Variants in GHRHR observed in about 807,000 individuals in gnomAD.
GHRHR encodes the protein growth hormone releasing hormone receptor.
In GHRHR, 40 loss-of-function variants were observed where a neutral mutation model predicts 58.3. That is an observed-to-expected ratio of 0.69 (90% CI 0.53 to 0.89). GHRHR has a LOEUF of 0.89. Ranked by LOEUF, GHRHR falls within the 40% of genes least tolerant of loss-of-function variation. GHRHR has a pLI of 0.00. For synonymous variants in GHRHR, 249 were observed against 216.6 expected, an observed-to-expected ratio of 1.15 and a Z score of -1.31; for missense variants, 551 against 541.3, an observed-to-expected ratio of 1.02 and a Z score of -0.18.
rs2128599228 is a variant in GHRHR at position 30,979,252 on chromosome 7, C to T, written c.*8C>T. The T allele has an allele frequency of 6.2e-7, 1 of 1,613,394 alleles. No individual in the cohort carries two copies. The highest frequency in any genetic ancestry group is 1.1e-5 in the South Asian group (1 of 91,038). ...CTGACATCTATGTGCTAGGCTGCCT[C>T]ATCACGCCACTGGAGTCCACACTTG... On this transcript the variant is annotated 3_prime_UTR_variant, in exon 13 of 13. Transcript: ENST00000326139.
rs35582117 is a variant in GHRHR at position 30,971,914 on chromosome 7, C to T, written c.465-49C>T. ...CAGCCCAGTTGCAGCACACCAGAAT[C>T]CCCTCTCCCTGCTTGCTTCTTGTTC... On this transcript the variant is annotated intron_variant, in intron 5 of 12. Coordinates refer to ENST00000326139, the MANE Select transcript of GHRHR (RefSeq NM_000823.4). 9 of 1,595,710 alleles carry T rather than the reference C, an allele frequency of 5.6e-6. 1 individual carries two copies. The Admixed American group carries it at 6.7e-5, about 12-fold the overall frequency.
chr7:30,969,747 T>C (rs749154800), intron 3 of GHRHR, 120 bp from the exon 4 acceptor site: 1 of 941,704 alleles, frequency 1.1e-6, no homozygotes, highest in Non-Finnish European at 1.8e-6. Flanking sequence ...ACCCTCTCTG[T>C]TGCTCAGAGG....
chr7:30,973,191 T>C (rs1792510442), intron 6 of GHRHR, among the ~76,000 whole-genome samples: 1 of 152,200 alleles, frequency 6.6e-6, no homozygotes, highest in Non-Finnish European at 1.5e-5. Flanking sequence ...AAGTGGATCA[T>C]CATGAAGGTC....
At chr7:30,971,238 C>T (rs182348901) in intron 5 of GHRHR, 22 bp downstream of exon 5, 4 of 1,024,240 alleles carry the variant, frequency 3.9e-6, no homozygotes, top group Non-Finnish European at 4.5e-6. Context: ...TCATCACCAG[C>T]TCAAGAACCT....
intron 5 of GHRHR, 56 bp downstream of exon 5, chr7:30,971,272 G>C: frequency 1.2e-6 from 1 of 803,268 alleles, no homozygotes; most frequent in Non-Finnish European, 2.1e-6. Context: ...ATTTCCCAGA[G>C]GGTCAAGTCT....
At chr7:30,973,089 G>A (rs540698184) in intron 6 of GHRHR, among the ~76,000 whole-genome samples, 11 of 152,262 alleles carry the variant, frequency 7.2e-5, no homozygotes, top group African/African-American at 1.2e-4. Context: ...TCTGTTACAC[G>A]TGTTATATAC....
At position 30,969,950 on chromosome 7, in the gene GHRHR, C is replaced by A. The variant is rs773339685; in HGVS notation, c.352C>A (p.Leu118Met). 3.0e-6 allele frequency: 4 copies of A among 1,334,364 alleles called. No homozygotes were observed. The highest frequency in any genetic ancestry group is 4.3e-6 in the Non-Finnish European group (4 of 924,012). 82.7% of individuals were successfully genotyped at this position (1,334,364 alleles called of 1,614,324 possible). A position where few individuals can be genotyped will look rare whatever the true frequency, so the allele number is the denominator to read the frequency against. Residue 118 changes from leucine (L) to methionine (M), a missense_variant, in exon 4 of 13, where the codon CTG (leucine) becomes ATG (methionine). Physicochemically the swap from Leu to Met is conservative, Grantham distance 15. Coordinates refer to ENST00000326139, the MANE Select transcript of GHRHR (RefSeq NM_000823.4). ...YPVACPVPLE[L>M]LAEEESYFST... ...TGTGGCCTGCCCTGTGCCTCTGGAGCTGCTGGCTGAGGAGGTAAGAGTCTT... is the reference window on the plus strand; with the variant it reads ...TGTGGCCTGCCCTGTGCCTCTGGAGATGCTGGCTGAGGAGGTAAGAGTCTT...
chr7:30,972,750 C>A (rs1438374831), intron 6 of GHRHR, among the ~76,000 whole-genome samples: 1 of 152,148 alleles, frequency 6.6e-6, no homozygotes, highest in Non-Finnish European at 1.5e-5. Context: ...GGAAGTTGGG[C>A]AGAATGTGGA....
rs33944945 is a variant in GHRHR, at chr7:30,964,346, A to G, written c.57+221A>G. On this transcript the variant is annotated intron_variant, in intron 1 of 12. Coordinates refer to ENST00000326139, the MANE Select transcript of GHRHR (RefSeq NM_000823.4). ...ATCTGTAGTGACTCTGGGTAGTGCT[A>G]TTAACATGTCCTTCCAGGGGCTGAG... Among the ~76,000 whole-genome samples the G allele has an allele frequency of 0.075, 11,474 of 152,142 alleles. 558 individuals are homozygous for G. The highest frequency in any genetic ancestry group is 0.21 in the Middle Eastern group (63 of 294).
rs763709666 is a variant in GHRHR at position 30,969,051 on chromosome 7, C to A, written c.161-12C>A. 1.9e-6 allele frequency: 3 copies of A among 1,571,230 alleles called. No homozygotes were observed. Among genetic ancestry groups the A allele is most frequent in the Admixed American group, 1.9e-5 (1 of 53,766 alleles). On this transcript the variant is annotated splice_polypyrimidine_tract_variant and intron_variant, in intron 2 of 12. Coordinates refer to ENST00000326139, the MANE Select transcript of GHRHR (RefSeq NM_000823.4). ...TGGGCTGAGTCTCTGCTGCTCCTGG[C>A]TCTCTATCCAGGCTGCCCTGCGACC...
chr7:30,974,948 G>A (rs777602715), intron 8 of GHRHR, 23 bp from the exon 9 acceptor site: 30 of 1,559,566 alleles, frequency 1.9e-5, no homozygotes, highest in South Asian at 8.9e-5. Context: ...TTCCAACAAC[G>A]GCCTTCTTTC....
chr7:30,977,946 G>T (rs1460554536), intron 12 of GHRHR, among the ~76,000 whole-genome samples: 1 of 152,204 alleles, frequency 6.6e-6, no homozygotes, highest in Non-Finnish European at 1.5e-5. Context: ...ATTCCACCCA[G>T]GAGACACTGA....
chr7:30,964,193 C>G, intron 1 of GHRHR, 68 bp downstream of exon 1: 1 of 1,370,128 alleles, frequency 7.3e-7, no homozygotes, highest in Non-Finnish European at 1.0e-6. Flanking sequence ...ACAGGGCCAA[C>G]TGGAGCCTGG....
At chr7:30,968,999 C>T in intron 2 of GHRHR, 63 bp downstream of exon 2, 1 of 1,547,942 alleles carries the variant, frequency 6.5e-7, no homozygotes, top group Non-Finnish European at 8.9e-7. Flanking sequence ...AGCCTCACCC[C>T]TCGGATTATT....
intron 1 of GHRHR, among the ~76,000 whole-genome samples, chr7:30,966,458 A>G (rs1330311305): frequency 1.3e-5 from 2 of 151,940 alleles, no homozygotes; most frequent in Non-Finnish European, 2.9e-5. Context: ...CTTCCCAAAT[A>G]CACCTTTTCC....
Position 30,969,900 on chromosome 7 carries a change from G to A in GHRHR, c.302G>A (p.Trp101Ter), listed in dbSNP as rs752643497. 1.2e-6 allele frequency: 2 copies of A among 1,608,956 alleles called. No individual in the cohort carries two copies. The highest frequency in any genetic ancestry group is 3.3e-5 in the Admixed American group (2 of 60,020). The part of the protein sequence containing the change: ...AVKRDCTITG[W>*]SEPFPPYPVA... ...AAACGGGATTGTACTATCACTGGCT[G>A]GTCTGAGCCCTTTCCACCTTACCCT... Residue 101 changes from tryptophan to a stop codon, truncating the protein, a stop_gained, in exon 4 of 13, where the codon TGG becomes TAG. Transcript: ENST00000326139. LOFTEE classifies it high-confidence loss of function.
At position 30,975,186 on chromosome 7, in the gene GHRHR, G is replaced by A. The variant is rs1253141626; in HGVS notation, c.882+146G>A. Reference sequence around the variant, plus strand: ...TTGCTCTGCCACTGATTCTCTGTGAGGCCCTCTCTGGGCCTCAGTATCCCA... The same window carrying A: ...TTGCTCTGCCACTGATTCTCTGTGAAGCCCTCTCTGGGCCTCAGTATCCCA... On this transcript the variant is annotated intron_variant, in intron 9 of 12. Transcript: ENST00000326139. The A allele has an allele frequency of 1.8e-5, 13 of 716,636 alleles. No homozygotes were observed. In the East Asian group the frequency reaches 3.2e-4, roughly 18 times the overall value. The allele number at this position is 716,636 out of a possible 1,614,324, so 44.4% of individuals were successfully genotyped here.
Position 30,969,076 on chromosome 7 carries a change from C to A in GHRHR, c.174C>A (p.Thr58=), listed in dbSNP as rs540740642. The part of the protein sequence containing the change: ...MPNTTLGCPA[T]WDGLLCWPTA... The stretch of plus-strand genomic sequence containing the variant: ...CTCTCTATCCAGGCTGCCCTGCGAC[C>A]TGGGATGGGCTGCTGTGCTGGCCAA... The change falls in exon 3 of 13, where the codon ACC becomes ACA. Residue 58 remains threonine, a synonymous_variant. Transcript: ENST00000326139. 18 of 1,579,914 alleles carry A rather than the reference C, an allele frequency of 1.1e-5. No individual in the cohort carries two copies. The Middle Eastern group carries it at 1.7e-3, about 146-fold the overall frequency.
chr7:30,965,593 C>T (rs1792331704), intron 1 of GHRHR, among the ~76,000 whole-genome samples: 1 of 152,218 alleles, frequency 6.6e-6, no homozygotes, highest in Non-Finnish European at 1.5e-5. Flanking sequence ...TGGGGCTTCT[C>T]TGAATTTCCC....
Sources: gnomAD v4.1 joint callset for allele counts (sites outside exome capture counted in the v4.1 genomes callset) on GRCh38, gnomAD v4.1.1 for gene constraint, MANE v1.5 for transcripts, NCBI Gene and HGNC (gene_info 2026-07-23, HGNC 2026-07-21) for gene names.